Variants in TUB observed in about 807,000 individuals in gnomAD.
TUB encodes the protein tubby protein homolog.
In TUB, 33 loss-of-function variants were observed where a neutral mutation model predicts 59.7. The ratio of observed to expected loss-of-function variants is 0.55; its 90% CI spans 0.42 to 0.74. The LOEUF (loss-of-function observed/expected upper bound fraction) is 0.74. TUB is among the 30% of genes least tolerant of loss of function. TUB has a pLI of 0.00. For missense variants in TUB, 659 were observed against 672.0 expected (o/e 0.98, Z 0.21); for synonymous variants, 293 against 256.4 (o/e 1.14, Z -1.36).
chr11:8,062,847 C>A (rs1943160269), intron 2 of TUB, among the ~76,000 whole-genome samples: 1 of 152,144 alleles, frequency 6.6e-6, no homozygotes, highest in Non-Finnish European at 1.5e-5. Flanking sequence ...GGCCAGGAAG[C>A]CCAGGCTCTG....
rs776886619 is a variant in TUB at position 8,039,660 on chromosome 11, G to A, written c.171G>A (p.Arg57=). Reference sequence around the variant, plus strand: ...TCCTCCTCAGGAGAACAACCAGGAGGAAGTACTGGAAGGAAGGAAGGGAGA... The same window carrying A: ...TCCTCCTCAGGAGAACAACCAGGAGAAAGTACTGGAAGGAAGGAAGGGAGA... Residue 57 remains arginine (R), a synonymous_variant, in exon 2 of 13, where the codon AGG becomes AGA. Coordinates refer to the TUB transcript ENST00000305253. 14 of 1,528,444 alleles carry A rather than the reference G, an allele frequency of 9.2e-6. No homozygotes were observed. The Middle Eastern group carries it at 5.2e-4, about 56-fold the overall frequency. The allele number at this position is 1,528,444 out of a possible 1,614,324, so 94.7% of individuals were successfully genotyped here.
At chr11:8,059,798 A>G (rs868784698) in intron 2 of TUB, among the ~76,000 whole-genome samples, 4 of 152,156 alleles carry the variant, frequency 2.6e-5, no homozygotes, top group Middle Eastern at 3.2e-3. Context: ...TTGTCAGCAG[A>G]CAAGTGACAT....
Position 8,102,778 on chromosome 11 carries a change from C to G in TUB, c.*1159C>G, listed in dbSNP as rs1244831135. ...TTAGGAATCTAGTACAACCTTGTTG[C>G]TTTAGGTGAGTCACACTCAGAAAAT... On this transcript the variant is annotated 3_prime_UTR_variant, in exon 12 of 12. Coordinates refer to ENST00000299506, the MANE Select transcript of TUB (RefSeq NM_177972.3). 4 of 152,284 alleles carry G rather than the reference C, an allele frequency of 2.6e-5. No homozygotes were observed. The highest frequency in any genetic ancestry group is 5.9e-5 in the Non-Finnish European group (4 of 68,036). 9.4% of individuals were successfully genotyped at this position (152,284 alleles called of 1,614,324 possible). A position where few individuals can be genotyped will look rare whatever the true frequency, so the allele number is the denominator to read the frequency against.
intron 1 of TUB, among the ~76,000 whole-genome samples, chr11:8,081,784 CTTG>C (rs1214130819): frequency 9.9e-5 from 15 of 152,232 alleles, no homozygotes; most frequent in African/African-American, 1.7e-4. Flanking sequence ...CTGTGTGGGC[CTTG>C]TTGGGTCAGG....
chr11:8,049,274 AG>A (rs1263182869), intron 2 of TUB, among the ~76,000 whole-genome samples: 1 of 152,154 alleles, frequency 6.6e-6, no homozygotes, highest in Non-Finnish European at 1.5e-5. Context: ...GGAAGAGCTG[AG>A]GCTTCCACAG....
intron 1 of TUB, among the ~76,000 whole-genome samples, chr11:8,086,649 A>G (rs1224356283): frequency 6.6e-5 from 10 of 151,984 alleles, no homozygotes; most frequent in African/African-American, 2.4e-4. Flanking sequence ...AATCGTGCCC[A>G]CTCTCAGAGC....
chr11:8,038,713 A>G (rs555146937), exon 1 of TUB: 5 of 1,479,906 alleles, frequency 3.4e-6, no homozygotes, highest in African/African-American at 1.4e-5. Flanking sequence ...TTAATGGGTG[A>G]TGGTGGTTGT....
intron 1 of TUB, among the ~76,000 whole-genome samples, chr11:8,028,675 A>G (rs1311982521): frequency 6.6e-6 from 1 of 152,072 alleles, no homozygotes; most frequent in East Asian, 1.9e-4. Flanking sequence ...ATTTGTTTCT[A>G]CTTTTTCTCT....
At position 8,104,516 on chromosome 11, in the gene TUB, A is replaced by AGAAT. The variant is rs1204695158; in HGVS notation, c.*2904_*2907dup. 3.3e-5 allele frequency: 5 copies of AGAAT among 152,336 alleles called. No individual in the cohort carries two copies. Among genetic ancestry groups the AGAAT allele is most frequent in the Middle Eastern group, 6.8e-3 (2 of 294 alleles). The allele number at this position is 152,336 out of a possible 1,614,324, so 9.4% of individuals were successfully genotyped here. On this transcript the variant is annotated 3_prime_UTR_variant, in exon 12 of 12. Coordinates refer to ENST00000299506, the MANE Select transcript of TUB (RefSeq NM_177972.3). ...TTTCTTAATTGTGATTATATTCCTG[A>AGAAT]GAATGAATGAGTAGGAAAGGAATAA...
intron 1 of TUB, among the ~76,000 whole-genome samples, chr11:8,086,652 C>G (rs1943672652): frequency 6.6e-6 from 1 of 152,182 alleles, no homozygotes; most frequent in African/African-American, 2.4e-5. Context: ...CGTGCCCACT[C>G]TCAGAGCCTC....
intron 1 of TUB, among the ~76,000 whole-genome samples, chr11:8,084,212 A>G (rs1540858): frequency 0.089 from 13,556 of 152,118 alleles, 1,167 homozygotes; most frequent in African/African-American, 0.22. Flanking sequence ...TACACCTTGC[A>G]TTCCCTGGGC....
intron 3 of TUB, among the ~76,000 whole-genome samples, chr11:8,092,668 T>C (rs1417190380): frequency 6.6e-6 from 1 of 152,154 alleles, no homozygotes; most frequent in Non-Finnish European, 1.5e-5. Flanking sequence ...ACATTTGATT[T>C]CTGGGAGGTG....
In TUB at chr11:8,102,409, C is replaced by A. The variant is rs372512057; in HGVS notation, c.*790C>A. 2.0e-5 allele frequency: 3 copies of A among 152,310 alleles called. No individual in the cohort carries two copies. The highest frequency in any genetic ancestry group is 4.2e-4 in the South Asian group (2 of 4,816). 9.4% of individuals were successfully genotyped at this position (152,310 alleles called of 1,614,324 possible). ...GCATGCAGAAGTGCATGAACAGGGT[C>A]CCTGGATCAGGGTTGTTCTGGGAGT... On this transcript the variant is annotated 3_prime_UTR_variant, in exon 12 of 12. Coordinates refer to ENST00000299506, the MANE Select transcript of TUB (RefSeq NM_177972.3).
intron 5 of TUB, 94 bp downstream of exon 5, chr11:8,095,759 A>C: frequency 7.4e-7 from 1 of 1,354,866 alleles, no homozygotes; most frequent in Non-Finnish European, 1.0e-6. Flanking sequence ...CTGTGTCCAA[A>C]CCCCTCCCTG....
intron 3 of TUB, among the ~76,000 whole-genome samples, chr11:8,092,231 C>T (rs531323910): frequency 1.1e-3 from 169 of 152,140 alleles, no homozygotes; most frequent in African/African-American, 3.6e-3. Context: ...TGCTTGAGGG[C>T]GGAAGTTCAG....
chr11:8,034,733 T>C (rs865919073), upstream of TUB, among the ~76,000 whole-genome samples: 2 of 152,180 alleles, frequency 1.3e-5, no homozygotes, highest in Middle Eastern at 3.2e-3. Flanking sequence ...GCCAGCTTCT[T>C]CCCTGCCCAC....
In TUB at chr11:8,101,501, T is replaced by C. The variant is rs1944303399; in HGVS notation, c.1403T>C (p.Met468Thr). 6.2e-7 allele frequency: 1 copy of C among 1,614,256 alleles called. No individual in the cohort carries two copies. The highest frequency in any genetic ancestry group is 8.5e-7 in the Non-Finnish European group (1 of 1,180,048). ...IHGNDPDYIV[M>T]QFGRVAEDVF... ...TTGGCCCCAGCGGACTACATCGTGA[T>C]GCAGTTTGGCCGGGTAGCAGAGGAT... The change falls in exon 12 of 12, where the codon ATG (methionine) becomes ACG (threonine). Residue 468 changes from methionine (M) to threonine (T), a missense_variant. Physicochemically the swap from Met to Thr is moderately conservative, Grantham distance 81. Transcript: ENST00000299506.
At chr11:8,022,454 C>A (rs1020658280) in intron 1 of TUB, among the ~76,000 whole-genome samples, 1 of 152,200 alleles carries the variant, frequency 6.6e-6, no homozygotes, top group Middle Eastern at 3.2e-3. Flanking sequence ...CTGGCAAACA[C>A]CTTTCCTTCA....
chr11:8,053,009 C>T (rs1394999781), intron 2 of TUB, among the ~76,000 whole-genome samples: 1 of 152,178 alleles, frequency 6.6e-6, no homozygotes, highest in Non-Finnish European at 1.5e-5. Context: ...TTGGCTAGAA[C>T]TTATAAAACA....
Sources: gnomAD v4.1 joint callset for allele counts (sites outside exome capture counted in the v4.1 genomes callset) on GRCh38, gnomAD v4.1.1 for gene constraint, MANE v1.5 for transcripts, NCBI Gene and HGNC (gene_info 2026-07-23, HGNC 2026-07-21) for gene names.